Variants in PLSCR4 observed in about 807,000 individuals in gnomAD.
PLSCR4 encodes phospholipid scramblase 4.
In PLSCR4, 25 loss-of-function variants were observed where a neutral mutation model predicts 36.3. The observed-to-expected ratio is 0.69, with a 90% CI of 0.50 to 0.96. The LOEUF is 0.96. Ranked by LOEUF, PLSCR4 falls within the 40% of genes least tolerant of loss-of-function variation. PLSCR4 has a pLI of 0.00. For synonymous variants in PLSCR4, 122 were observed against 132.9 expected (o/e 0.92, Z 0.56); for missense variants, 408 against 414.7 (o/e 0.98, Z 0.14).
intron 4 of PLSCR4, among the ~76,000 whole-genome samples, chr3:146,203,358 T>C (rs3920230): frequency 0.3 from 45,248 of 151,890 alleles, 7,997 homozygotes; most frequent in South Asian, 0.45. Context: ...CAGTGAGTAG[T>C]AATGTTTTGC....
intron 1 of PLSCR4, among the ~76,000 whole-genome samples, chr3:146,232,319 T>G (rs111921240): frequency 0.055 from 8,363 of 152,216 alleles, 554 homozygotes; most frequent in African/African-American, 0.16. Flanking sequence ...GCTTTGGCTA[T>G]TTGCACTCCT....
Position 146,193,279 on chromosome 3 carries a change from T to A in PLSCR4, c.*1132A>T, listed in dbSNP as rs1168680753. 1 of 152,008 alleles carries A rather than the reference T, an allele frequency of 6.6e-6. No homozygotes were observed. The highest frequency in any genetic ancestry group is 1.5e-5 in the Non-Finnish European group (1 of 67,976). The allele number at this position is 152,008 out of a possible 1,614,324, so 9.4% of individuals were successfully genotyped here. A position where few individuals can be genotyped will look rare whatever the true frequency, so the allele number is the denominator to read the frequency against. On this transcript the variant is annotated 3_prime_UTR_variant, in exon 9 of 9. Coordinates refer to ENST00000354952, the MANE Select transcript of PLSCR4 (RefSeq NM_020353.3). ...TTATTACTCTGTGTAGATACATATT[T>A]ATCTATCATGTCAATAAAAAGAAGC...
chr3:146,196,901 G>A, intron 6 of PLSCR4, 108 bp from the exon 7 acceptor site: 1 of 945,776 alleles, frequency 1.1e-6, no homozygotes, highest in African/African-American at 1.6e-5. Flanking sequence ...AAAGACTAGG[G>A]AAATTATTGT....
At chr3:146,246,029 G>A (rs72992940) in intron 1 of PLSCR4, among the ~76,000 whole-genome samples, 5,741 of 152,124 alleles carry the variant, frequency 0.038, 383 homozygotes, top group African/African-American at 0.13. Flanking sequence ...GAAGGATTCA[G>A]TCATTTCTGT....
At position 146,196,797 on chromosome 3, in the gene PLSCR4, C is replaced by A. The variant is rs1213086080; in HGVS notation, c.625-4G>T. 1 of 1,613,322 alleles carries A rather than the reference C, an allele frequency of 6.2e-7. No homozygotes were observed. ...CAGGAGGACACTGCACCTCCAGCTG[C>A]AAACAAAACAGTGACAGAAGTTAGG... is the stretch of plus-strand genomic sequence containing the variant. On this transcript the variant is annotated splice_region_variant and splice_polypyrimidine_tract_variant and intron_variant, in intron 6 of 8. Transcript: ENST00000354952.
intron 2 of PLSCR4, among the ~76,000 whole-genome samples, chr3:146,221,727 C>T (rs958891300): frequency 6.6e-6 from 1 of 152,152 alleles, no homozygotes; most frequent in South Asian, 2.1e-4. Flanking sequence ...CAGGACCTTG[C>T]CACAGGCTCT....
At chr3:146,202,633 T>C (rs540704499) in intron 4 of PLSCR4, among the ~76,000 whole-genome samples, 6 of 152,146 alleles carry the variant, frequency 3.9e-5, no homozygotes, top group African/African-American at 1.4e-4. Flanking sequence ...GCCATATCAA[T>C]TGACTGACTC....
chr3:146,211,713 G>A (rs2034630354), intron 3 of PLSCR4, among the ~76,000 whole-genome samples: 1 of 152,040 alleles, frequency 6.6e-6, no homozygotes, highest in Non-Finnish European at 1.5e-5. Flanking sequence ...ATAGATCTTT[G>A]ATTCATTTAG....
chr3:146,206,837 A>T, intron 3 of PLSCR4, 76 bp from the exon 4 acceptor site: 3 of 859,416 alleles, frequency 3.5e-6, no homozygotes, highest in Non-Finnish European at 5.5e-6. Context: ...GCGATGAAAT[A>T]GATCACACGA....
At chr3:146,227,657 T>A (rs1425188035) in intron 1 of PLSCR4, among the ~76,000 whole-genome samples, 2 of 152,126 alleles carry the variant, frequency 1.3e-5, no homozygotes, top group Non-Finnish European at 2.9e-5. Flanking sequence ...TCCTGGCCTC[T>A]CCACAAGGGA....
At chr3:146,218,421 G>A (rs907306126) in intron 3 of PLSCR4, among the ~76,000 whole-genome samples, 19 of 151,434 alleles carry the variant, frequency 1.3e-4, no homozygotes, top group Non-Finnish European at 2.7e-4. Flanking sequence ...AAAATTTGAA[G>A]ATCAATAAAT....
chr3:146,223,539 T>C (rs759533063), intron 1 of PLSCR4, among the ~76,000 whole-genome samples: 17 of 152,100 alleles, frequency 1.1e-4, no homozygotes, highest in Non-Finnish European at 2.2e-4. Context: ...GTTGTCCAAG[T>C]GGAGTAAAAA....
chr3:146,226,064 C>T (rs1559919328), intron 1 of PLSCR4, among the ~76,000 whole-genome samples: 2 of 152,142 alleles, frequency 1.3e-5, no homozygotes, highest in African/African-American at 2.4e-5. Context: ...TAGAGGAAAG[C>T]TTTAAAGAAA....
At chr3:146,243,303 TA>T (rs1290991471) in intron 1 of PLSCR4, among the ~76,000 whole-genome samples, 1 of 152,094 alleles carries the variant, frequency 6.6e-6, no homozygotes, top group Non-Finnish European at 1.5e-5. Context: ...GTTACATATA[TA>T]CATCTCTTTC....
intron 3 of PLSCR4, among the ~76,000 whole-genome samples, chr3:146,210,323 G>T (rs953231523): frequency 1.3e-5 from 2 of 152,026 alleles, no homozygotes; most frequent in African/African-American, 4.8e-5. Context: ...CTTTTTATGA[G>T]CAGGGAATAC....
intron 1 of PLSCR4, among the ~76,000 whole-genome samples, chr3:146,227,190 C>T (rs956226920): frequency 6.6e-6 from 1 of 152,108 alleles, no homozygotes; most frequent in African/African-American, 2.4e-5. Flanking sequence ...AGAAACCAGA[C>T]TGGAAAACTG....
intron 1 of PLSCR4, among the ~76,000 whole-genome samples, chr3:146,228,567 A>T (rs1297264394): frequency 6.6e-6 from 1 of 152,192 alleles, no homozygotes; most frequent in African/African-American, 2.4e-5. Context: ...GAGGCTAAAA[A>T]ATTTGCTTTC....
intron 1 of PLSCR4, among the ~76,000 whole-genome samples, chr3:146,222,909 T>C (rs960854189): frequency 3.9e-5 from 6 of 152,068 alleles, no homozygotes; most frequent in Admixed American, 6.6e-5. Context: ...TTCAGAGGCA[T>C]GATACGGTTT....
intron 3 of PLSCR4, among the ~76,000 whole-genome samples, chr3:146,220,160 T>C (rs1244954845): frequency 6.6e-6 from 1 of 152,220 alleles, no homozygotes; most frequent in Non-Finnish European, 1.5e-5. Flanking sequence ...AAGGGCACTT[T>C]TAATTTTTAA....
Sources: gnomAD v4.1 joint callset for allele counts (sites outside exome capture counted in the v4.1 genomes callset) on GRCh38, gnomAD v4.1.1 for gene constraint, MANE v1.5 for transcripts, NCBI Gene and HGNC (gene_info 2026-07-23, HGNC 2026-07-21) for gene names.